PDE4D: variants seen among roughly 807,000 people sequenced by gnomAD.
The protein encoded by PDE4D is 3',5'-cyclic-AMP phosphodiesterase 4D.
In PDE4D, 24 loss-of-function variants were observed where a neutral mutation model predicts 87.4. The ratio of observed to expected loss-of-function variants is 0.27; its 90% CI spans 0.20 to 0.39. The LOEUF (loss-of-function observed/expected upper bound fraction) is 0.39, where lower values mean the gene tolerates loss of function less well. Among genes scored for constraint, PDE4D ranks in the 10% least tolerant of loss-of-function variants. The probability of loss-of-function intolerance (pLI) is 1.00; values close to 1 mark genes in which losing one functional copy is unlikely to be tolerated. For synonymous variants in PDE4D, 384 were observed against 383.2 expected, an observed-to-expected ratio of 1.00 and a Z score of -0.02; for missense variants, 714 against 1,041.0, an observed-to-expected ratio of 0.69 and a Z score of 4.32.
intron 1 of PDE4D, among the ~76,000 whole-genome samples, chr5:59,700,238 A>T (rs927696947): frequency 2.0e-5 from 3 of 152,216 alleles, no homozygotes; most frequent in Non-Finnish European, 4.4e-5. Flanking sequence ...TTGCAAACAC[A>T]ATTAAAGTAA....
intron 1 of PDE4D, among the ~76,000 whole-genome samples, chr5:59,407,255 T>C (rs1791851441): frequency 6.6e-6 from 1 of 152,162 alleles, no homozygotes; most frequent in Admixed American, 6.5e-5. Flanking sequence ...GCTCCCCCTA[T>C]TGCCACGTGA....
intron 1 of PDE4D, among the ~76,000 whole-genome samples, chr5:59,598,281 T>C (rs1043548788): frequency 6.6e-6 from 1 of 152,192 alleles, no homozygotes; most frequent in South Asian, 2.1e-4. Flanking sequence ...AAATTCATTT[T>C]TAAGATTTCT....
intron 1 of PDE4D, among the ~76,000 whole-genome samples, chr5:59,810,525 C>G (rs1382281700): frequency 6.6e-6 from 1 of 152,218 alleles, no homozygotes; most frequent in Non-Finnish European, 1.5e-5. Flanking sequence ...TAGAAAACCT[C>G]TGGGCCATCT....
At chr5:59,142,164 G>T (rs1471146443) in intron 5 of PDE4D, among the ~76,000 whole-genome samples, 1 of 152,190 alleles carries the variant, frequency 6.6e-6, no homozygotes, top group Non-Finnish European at 1.5e-5. Context: ...AGGCAATAGA[G>T]CCCCTAAATA....
intron 1 of PDE4D, among the ~76,000 whole-genome samples, chr5:59,576,790 T>C (rs1188553996): frequency 6.6e-6 from 1 of 152,144 alleles, no homozygotes; most frequent in African/African-American, 2.4e-5. Context: ...TCAACCTCTC[T>C]CAAAAATCAA....
intron 1 of PDE4D, among the ~76,000 whole-genome samples, chr5:60,501,718 T>C (rs1444904315): frequency 3.3e-5 from 5 of 152,044 alleles, no homozygotes; most frequent in East Asian, 1.9e-4. Context: ...TGGTATCTCA[T>C]TGTGGTTTTG....
At chr5:59,396,711 G>C (rs1789497101) in intron 1 of PDE4D, among the ~76,000 whole-genome samples, 1 of 117,064 alleles carries the variant, frequency 8.5e-6, no homozygotes, top group Non-Finnish European at 1.8e-5. Flanking sequence ...CAAAATGACA[G>C]GATCAAATTC....
At chr5:59,422,738 CA>C (rs1794659781) in intron 1 of PDE4D, among the ~76,000 whole-genome samples, 1 of 152,182 alleles carries the variant, frequency 6.6e-6, no homozygotes, top group African/African-American at 2.4e-5. Flanking sequence ...AGTACTCTAA[CA>C]ATTCTCATTC....
intron 1 of PDE4D, among the ~76,000 whole-genome samples, chr5:59,330,203 C>T (rs1365049446): frequency 6.6e-6 from 1 of 152,148 alleles, no homozygotes; most frequent in South Asian, 2.1e-4. Context: ...GAGTTAAAAG[C>T]AGGGAACACA....
chr5:59,602,922 A>C (rs1328651515), intron 1 of PDE4D, among the ~76,000 whole-genome samples: 1 of 152,140 alleles, frequency 6.6e-6, no homozygotes, highest in Admixed American at 6.6e-5. Flanking sequence ...AGGTGCCAAG[A>C]ACATACATTG....
rs149815175 is a variant in PDE4D, at chr5:59,559,792, TTTG to T, written c.455+333373_455+333375del. ...AGCACTCAAAAAGAGTTCTTGTGTA[TTTG>T]TTGTTGTCTGGAACGACATCATCAA... On this transcript the variant is annotated intron_variant, in intron 1 of 14. Transcript: ENST00000340635. 2.2e-3 allele frequency among the ~76,000 whole-genome samples: 342 copies of T among 152,340 alleles called. 6 individuals are homozygous for T. In the East Asian group the frequency reaches 0.053, roughly 23 times the overall value.
At chr5:59,006,382 T>C (rs1480178574) in intron 6 of PDE4D, among the ~76,000 whole-genome samples, 2 of 151,922 alleles carry the variant, frequency 1.3e-5, no homozygotes, top group South Asian at 4.2e-4. Flanking sequence ...CTGGGCAACA[T>C]AGAGAAACCA....
intron 1 of PDE4D, among the ~76,000 whole-genome samples, chr5:59,400,722 T>C (rs1790439886): frequency 7.5e-6 from 1 of 132,864 alleles, no homozygotes; most frequent in African/African-American, 2.9e-5. Flanking sequence ...ACCCTAAAAC[T>C]TAAAGTATAA....
chr5:59,616,946 T>TATATATATATATAG (rs1829779030), intron 1 of PDE4D, among the ~76,000 whole-genome samples: 1 of 137,870 alleles, frequency 7.3e-6, no homozygotes, highest in Non-Finnish European at 1.6e-5. Context: ...TATATATATA[T>TATATATATATATAG]CTCCAAGATT....
intron 2 of PDE4D, among the ~76,000 whole-genome samples, chr5:60,078,364 G>A (rs1659105931): frequency 6.6e-6 from 1 of 151,648 alleles, no homozygotes; most frequent in South Asian, 2.1e-4. Flanking sequence ...ATATGTTTTG[G>A]TATATTTTGT....
chr5:59,482,751 A>T (rs1487039950), intron 1 of PDE4D, among the ~76,000 whole-genome samples: 1 of 152,178 alleles, frequency 6.6e-6, no homozygotes. Flanking sequence ...TTCAAATCAC[A>T]AATTTCCTTC....
chr5:59,862,322 CA>C (rs1014151249), intron 1 of PDE4D, among the ~76,000 whole-genome samples: 1 of 152,002 alleles, frequency 6.6e-6, no homozygotes, highest in African/African-American at 2.4e-5. Context: ...TTGCTTAAAA[CA>C]AAATAATTAG....
chr5:59,333,142 A>G (rs1222526165), intron 1 of PDE4D, among the ~76,000 whole-genome samples: 1 of 152,134 alleles, frequency 6.6e-6, no homozygotes, highest in Non-Finnish European at 1.5e-5. Flanking sequence ...CATAGAACAT[A>G]CTCTATAATC....
chr5:59,016,390 C>CTTTTTTTTTT (rs35622981), intron 6 of PDE4D, among the ~76,000 whole-genome samples: 18 of 78,542 alleles, frequency 2.3e-4, no homozygotes, highest in South Asian at 5.0e-4. Context: ...TCAGTCTGTT[C>CTTTTTTTTTT]TTTTTTTTTT....
Sources: allele counts gnomAD v4.1 joint callset (sites outside exome capture counted in the v4.1 genomes callset), GRCh38; gene constraint gnomAD v4.1.1; transcripts MANE v1.5; gene names NCBI Gene and HGNC (gene_info 2026-07-23, HGNC 2026-07-21).